MBNL1: variants seen among roughly 807,000 people sequenced by gnomAD.
MBNL1 encodes muscleblind like splicing regulator 1.
In MBNL1, 8 loss-of-function variants were observed where a neutral mutation model predicts 42.2. The observed-to-expected ratio is 0.19, with a 90% confidence interval of 0.11 to 0.34. The LOEUF (loss-of-function observed/expected upper bound fraction) is 0.34, where lower values mean the gene tolerates loss of function less well. Among genes scored for constraint, MBNL1 ranks in the 10% least tolerant of loss-of-function variants. MBNL1 has a pLI of 1.00. For missense variants in MBNL1, 309 were observed against 495.3 expected, an observed-to-expected ratio of 0.62 and a Z score of 3.57; for synonymous variants, 169 against 173.9, an observed-to-expected ratio of 0.97 and a Z score of 0.22.
At chr3:152,332,690 TTTTGTGTGTGTG>T (rs1292805135) in intron 2 of MBNL1, among the ~76,000 whole-genome samples, 1 of 128,932 alleles carries the variant, frequency 7.8e-6, no homozygotes, top group African/African-American at 2.9e-5. Context: ...GTTTTCATGG[TTTTGTGTGTGTG>T]TGTGTGTGTG....
chr3:152,349,875 G>T (rs1435359872), intron 2 of MBNL1, among the ~76,000 whole-genome samples: 1 of 152,006 alleles, frequency 6.6e-6, no homozygotes, highest in Non-Finnish European at 1.5e-5. Context: ...GGGATGACTA[G>T]GCCTGGAGCA....
chr3:152,381,552 T>G (rs982272994), intron 2 of MBNL1, among the ~76,000 whole-genome samples: 6 of 152,034 alleles, frequency 3.9e-5, no homozygotes, highest in Non-Finnish European at 7.4e-5. Flanking sequence ...CTGTGTCGTT[T>G]CCTGGAAAAT....
chr3:152,269,738 T>C, intron 1 of MBNL1: 1 of 246,472 alleles, frequency 4.1e-6, no homozygotes. Flanking sequence ...TCTTTTTTTT[T>C]TCATCGTTTT....
At position 152,419,688 on chromosome 3, in the gene MBNL1, TG is replaced by T. The variant is rs1169384349; in HGVS notation, c.345+4578del. ...ACTGAGCTGGCTGCAGGAGTTTTTT[TG>T]TTTGTTTGTTTGTTTGTTTGTTTGT... On this transcript the variant is annotated intron_variant, in intron 3 of 9. Coordinates refer to ENST00000324210, the MANE Select transcript of MBNL1 (RefSeq NM_021038.5). Among the ~76,000 whole-genome samples, 13 of 22,818 alleles carry T rather than the reference TG, an allele frequency of 5.7e-4. No homozygotes were observed. In the East Asian group the frequency reaches 0.073, roughly 129 times the overall value. 15.0% of individuals were successfully genotyped at this position (22,818 alleles called of 152,430 possible).
At chr3:152,281,128 G>A (rs1452319804) in intron 1 of MBNL1, among the ~76,000 whole-genome samples, 1 of 152,114 alleles carries the variant, frequency 6.6e-6, no homozygotes, top group Non-Finnish European at 1.5e-5. Flanking sequence ...TTACATGTGT[G>A]ATCCCATAGC....
At chr3:152,335,032 C>G in intron 2 of MBNL1, 1 of 1,078,300 alleles carries the variant, frequency 9.3e-7, no homozygotes, top group Non-Finnish European at 1.2e-6. Flanking sequence ...GCTCCAGCTT[C>G]TGCTGCTGCT....
chr3:152,422,410 A>G (rs1490601746), intron 3 of MBNL1, among the ~76,000 whole-genome samples: 1 of 152,220 alleles, frequency 6.6e-6, no homozygotes, highest in Non-Finnish European at 1.5e-5. Context: ...ACTATCCTAA[A>G]TAGATATGCA....
chr3:152,437,259 CCT>C (rs1472868569), intron 4 of MBNL1, among the ~76,000 whole-genome samples: 1 of 152,140 alleles, frequency 6.6e-6, no homozygotes, highest in Admixed American at 6.6e-5. Context: ...GCCACTTCTT[CCT>C]CTCTTTTTAC....
intron 2 of MBNL1, among the ~76,000 whole-genome samples, chr3:152,367,820 A>G (rs893200982): frequency 1.3e-5 from 2 of 151,878 alleles, no homozygotes; most frequent in African/African-American, 4.8e-5. Flanking sequence ...GGCTGTGTAT[A>G]TGTCTTCTTT....
intron 2 of MBNL1, among the ~76,000 whole-genome samples, chr3:152,386,584 A>G (rs2097434233): frequency 6.6e-6 from 1 of 152,104 alleles, no homozygotes; most frequent in Non-Finnish European, 1.5e-5. Flanking sequence ...ATTTTATTAA[A>G]TAATTTATAG....
At chr3:152,325,989 C>G (rs537212401) in intron 2 of MBNL1, among the ~76,000 whole-genome samples, 43 of 152,274 alleles carry the variant, frequency 2.8e-4, no homozygotes, top group African/African-American at 1.0e-3. Flanking sequence ...TTTCACACTC[C>G]TTTTACCCCT....
intron 2 of MBNL1, among the ~76,000 whole-genome samples, chr3:152,395,248 T>G (rs2097881208): frequency 6.6e-6 from 1 of 152,214 alleles, no homozygotes; most frequent in Non-Finnish European, 1.5e-5. Context: ...TTTTTAAAGT[T>G]TAAGATTTTG....
chr3:152,402,220 C>T (rs535082765), intron 2 of MBNL1, among the ~76,000 whole-genome samples: 4 of 152,102 alleles, frequency 2.6e-5, no homozygotes, highest in African/African-American at 9.6e-5. Flanking sequence ...AGGTAAAGAA[C>T]GTGCTAGGAG....
At chr3:152,309,183 C>G (rs912600716) in intron 2 of MBNL1, among the ~76,000 whole-genome samples, 2 of 152,026 alleles carry the variant, frequency 1.3e-5, no homozygotes, top group African/African-American at 4.8e-5. Flanking sequence ...TATGACATCA[C>G]AAGTGGGAAT....
chr3:152,396,614 G>A (rs1222372809), intron 2 of MBNL1, among the ~76,000 whole-genome samples: 1 of 152,016 alleles, frequency 6.6e-6, no homozygotes, highest in African/African-American at 2.4e-5. Flanking sequence ...TTTCCACCCT[G>A]GTTTCACAGC....
chr3:152,392,456 A>G (rs2097762682), intron 2 of MBNL1, among the ~76,000 whole-genome samples: 1 of 152,242 alleles, frequency 6.6e-6, no homozygotes, highest in Non-Finnish European at 1.5e-5. Context: ...CAAAAAATGA[A>G]TGGAATGCTT....
At chr3:152,427,055 CAG>C (rs1254511610) in intron 3 of MBNL1, among the ~76,000 whole-genome samples, 3 of 152,156 alleles carry the variant, frequency 2.0e-5, no homozygotes, top group African/African-American at 7.2e-5. Flanking sequence ...CACTTTATCC[CAG>C]AGTGTTTCTG....
chr3:152,433,469 G>C (rs1002460443), intron 4 of MBNL1, among the ~76,000 whole-genome samples: 5 of 151,980 alleles, frequency 3.3e-5, no homozygotes, highest in African/African-American at 1.2e-4. Flanking sequence ...AGTTTTTTGC[G>C]GCCGGGCGCG....
chr3:152,323,206 AT>A (rs2077400013), intron 2 of MBNL1, among the ~76,000 whole-genome samples: 1 of 152,152 alleles, frequency 6.6e-6, no homozygotes, highest in Non-Finnish European at 1.5e-5. Context: ...ATTGGACATT[AT>A]TTTTAAATGA....
Sources: allele counts gnomAD v4.1 joint callset (sites outside exome capture counted in the v4.1 genomes callset), GRCh38; gene constraint gnomAD v4.1.1; transcripts MANE v1.5; gene names NCBI Gene and HGNC (gene_info 2026-07-23, HGNC 2026-07-21).